FRY: variants seen among roughly 807,000 people sequenced by gnomAD.
FRY encodes FRY microtubule binding protein.
Under a neutral mutation model 348.4 loss-of-function variants are expected in FRY, and 128 were observed. That is an observed-to-expected ratio of 0.37 (90% confidence interval 0.32 to 0.43). FRY has a LOEUF of 0.43. Among genes scored for constraint, FRY ranks in the 20% least tolerant of loss-of-function variants. The pLI is 1.00. For missense variants in FRY, 2,736 were observed against 3,695.2 expected (o/e 0.74, Z 6.73); for synonymous variants, 1,370 against 1,374.7 (o/e 1.00, Z 0.08).
chr13:32,135,217 A>T, intron 10 of FRY, 34 bp downstream of exon 10: 1 of 1,236,878 alleles, frequency 8.1e-7, no homozygotes, highest in African/African-American at 1.5e-5. Flanking sequence ...AAACACAAAC[A>T]AAACTGCACA....
At chr13:32,189,312 G>C (rs1402024581) in intron 28 of FRY, among the ~76,000 whole-genome samples, 1 of 151,972 alleles carries the variant, frequency 6.6e-6, no homozygotes, top group Non-Finnish European at 1.5e-5. Context: ...TAACAAGTTA[G>C]CACAAGTTTA....
At chr13:32,140,814 C>CT (rs1189638594) in intron 11 of FRY, among the ~76,000 whole-genome samples, 2 of 151,984 alleles carry the variant, frequency 1.3e-5, no homozygotes, top group African/African-American at 4.8e-5. Context: ...AGTTTGAATG[C>CT]TTTTTTCAAC....
intron 8 of FRY, among the ~76,000 whole-genome samples, chr13:32,133,849 G>C (rs774728238): frequency 4.0e-5 from 5 of 126,336 alleles, no homozygotes; most frequent in Non-Finnish European, 6.3e-5. Flanking sequence ...GCATGATCTT[G>C]ATTCACTGCA....
Position 32,254,315 on chromosome 13 carries a change from T to C in FRY, c.7337T>C (p.Met2446Thr), listed in dbSNP as rs750066929. 1 of 1,614,146 alleles carries C rather than the reference T, an allele frequency of 6.2e-7. No individual in the cohort carries two copies. Among genetic ancestry groups the C allele is most frequent in the South Asian group, 1.1e-5 (1 of 91,080 alleles). ...GACGGTGCCCGAGAGCAGGAGAACA[T>C]GGATGACACAAACAGCGAGCAGCAG... ...SEDGAREQEN[M>T]DDTNSEQQFR... Residue 2446 changes from methionine (M) to threonine (T), a missense_variant, in exon 51 of 61, where the codon ATG becomes ACG. Met to Thr is a moderately conservative substitution (Grantham distance 81). Coordinates refer to ENST00000542859, the MANE Select transcript of FRY (RefSeq NM_023037.3).
At chr13:32,149,466 T>TGG (rs35844101) in intron 13 of FRY, among the ~76,000 whole-genome samples, 1 of 151,202 alleles carries the variant, frequency 6.6e-6, no homozygotes, top group African/African-American at 2.4e-5. Context: ...ATTTGATTTG[T>TGG]GGGGGGGGGT....
At chr13:32,050,940 A>G (rs573917388) in intron 1 of FRY, among the ~76,000 whole-genome samples, 2 of 152,364 alleles carry the variant, frequency 1.3e-5, no homozygotes, top group Admixed American at 1.3e-4. Context: ...AGTTTTAATT[A>G]TATCCACCAC....
intron 1 of FRY, among the ~76,000 whole-genome samples, chr13:32,049,205 A>T (rs951247380): frequency 2.6e-5 from 4 of 152,180 alleles, no homozygotes; most frequent in Admixed American, 6.5e-5. Flanking sequence ...GGAGACTGTG[A>T]CATTTGAACA....
rs7983729 is a variant in FRY, at chr13:32,120,643, G to A, written c.464+3170G>A. ...CTCCCACTCTTCCCCCCAAGTCCCC[G>A]AAGTCCATTGTATCATTCTTTTTTG... On this transcript the variant is annotated intron_variant, in intron 4 of 60. Transcript: ENST00000542859. Among the ~76,000 whole-genome samples the A allele has an allele frequency of 7.7e-3, 1,168 of 151,878 alleles. 21 individuals are homozygous for A. Among genetic ancestry groups the A allele is most frequent in the African/African-American group, 0.026 (1,080 of 41,398 alleles).
At chr13:32,286,012 A>G (rs1267797189) in intron 58 of FRY, among the ~76,000 whole-genome samples, 1 of 152,194 alleles carries the variant, frequency 6.6e-6, no homozygotes, top group East Asian at 1.9e-4. Flanking sequence ...GGGTCCCAAA[A>G]ACTACTTAGT....
intron 41 of FRY, 123 bp from the exon 42 acceptor site, chr13:32,234,451 G>A (rs994607381): frequency 1.2e-6 from 1 of 858,628 alleles, no homozygotes; most frequent in Non-Finnish European, 2.0e-6. Context: ...TGGTTGACTT[G>A]TAAATAAGTA....
At chr13:32,170,753 C>T (rs1339257106) in intron 17 of FRY, among the ~76,000 whole-genome samples, 1 of 152,174 alleles carries the variant, frequency 6.6e-6, no homozygotes, top group Non-Finnish European at 1.5e-5. Context: ...GCCAAGCTGT[C>T]CTCGAACTCC....
intron 51 of FRY, among the ~76,000 whole-genome samples, chr13:32,257,567 A>G (rs539210422): frequency 6.6e-6 from 1 of 152,362 alleles, no homozygotes; most frequent in African/African-American, 2.4e-5. Flanking sequence ...AGGTGATGCC[A>G]CCTTTATTTC....
intron 59 of FRY, among the ~76,000 whole-genome samples, chr13:32,292,567 G>C (rs1178641573): frequency 2.6e-5 from 4 of 151,916 alleles, no homozygotes; most frequent in African/African-American, 9.7e-5. Flanking sequence ...GCCAAGGTGG[G>C]CAGATCACAA....
chr13:32,063,442 C>G (rs1874062646), intron 1 of FRY, among the ~76,000 whole-genome samples: 1 of 152,162 alleles, frequency 6.6e-6, no homozygotes, highest in African/African-American at 2.4e-5. Context: ...GCCTCCAGAG[C>G]CTTTTGACCA....
At chr13:32,246,025 T>C (rs575880430) in intron 47 of FRY, among the ~76,000 whole-genome samples, 4 of 152,324 alleles carry the variant, frequency 2.6e-5, no homozygotes, top group African/African-American at 9.6e-5. Context: ...TTACACCACA[T>C]AGGGTAGGCA....
At chr13:32,053,810 T>C (rs941298233) in intron 1 of FRY, among the ~76,000 whole-genome samples, 2 of 152,132 alleles carry the variant, frequency 1.3e-5, no homozygotes, top group African/African-American at 4.8e-5. Context: ...TAGAACAGGT[T>C]GTGGGGATGA....
At chr13:32,234,835 GC>G (rs1430980233) in intron 42 of FRY, 74 bp downstream of exon 42, 2 of 1,217,418 alleles carry the variant, frequency 1.6e-6, no homozygotes, top group Non-Finnish European at 2.4e-6. Context: ...CTATTTTTGA[GC>G]CTTTCTTCTG....
intron 1 of FRY, among the ~76,000 whole-genome samples, chr13:32,072,872 C>G (rs1033780805): frequency 6.6e-6 from 1 of 152,158 alleles, no homozygotes; most frequent in African/African-American, 2.4e-5. Flanking sequence ...TATGTACAAC[C>G]ATGAACAAAG....
At chr13:32,233,917 T>C (rs1886066386) in intron 41 of FRY, among the ~76,000 whole-genome samples, 1 of 152,170 alleles carries the variant, frequency 6.6e-6, no homozygotes, top group Non-Finnish European at 1.5e-5. Flanking sequence ...TCTGATTCAA[T>C]ACCAGGACCA....
Sources: gnomAD v4.1 joint callset for allele counts (sites outside exome capture counted in the v4.1 genomes callset) on GRCh38, gnomAD v4.1.1 for gene constraint, MANE v1.5 for transcripts, NCBI Gene and HGNC (gene_info 2026-07-23, HGNC 2026-07-21) for gene names.